The following MYH9 variants were observed in gnomAD, a reference collection of about 807,000 sequenced individuals.
The protein encoded by MYH9 is myosin heavy chain 9, also known as myosin-9.
MYH9 carries 29 observed loss-of-function variants against 241.9 expected under a neutral mutation model. The observed-to-expected ratio is 0.12, with a 90% confidence interval of 0.09 to 0.16. The LOEUF is 0.16. Ranked by LOEUF, MYH9 falls within the 10% of genes least tolerant of loss-of-function variation. The pLI is 1.00. For missense variants in MYH9, 1,803 were observed against 2,595.5 expected, an observed-to-expected ratio of 0.69 and a Z score of 6.63; for synonymous variants, 1,047 against 1,062.6, an observed-to-expected ratio of 0.99 and a Z score of 0.29.
At chr22:36,366,911 T>C (rs2018019523) in intron 1 of MYH9, among the ~76,000 whole-genome samples, 1 of 152,174 alleles carries the variant, frequency 6.6e-6, no homozygotes. Context: ...GCCCCCAGGC[T>C]GCATCCGTTA....
chr22:36,342,701 T>C (rs550709885), intron 2 of MYH9, among the ~76,000 whole-genome samples: 5 of 151,230 alleles, frequency 3.3e-5, no homozygotes, highest in African/African-American at 4.9e-5. Context: ...AGATGTTCAG[T>C]TGGGGAACGC....
chr22:36,329,783 A>C lies in MYH9; in HGVS notation c.491-2295T>G, dbSNP rs991978134. Among the ~76,000 whole-genome samples the C allele has an allele frequency of 6.6e-6, 1 of 152,224 alleles. No homozygotes were observed. Among genetic ancestry groups the C allele is most frequent in the African/African-American group, 2.4e-5 (1 of 41,460 alleles). Reference sequence around the variant, plus strand: ...CATGCACACAGAGGCGCACGCACGCACAAGGGCATGGACACACACATAGAC... The same window carrying C: ...CATGCACACAGAGGCGCACGCACGCCCAAGGGCATGGACACACACATAGAC... On this transcript the variant is annotated intron_variant, in intron 3 of 40. Transcript: ENST00000216181. This position sits in a 1 kb window ranked among gnomAD's most constrained non-coding sequence, Gnocchi z 4.1.
Position 36,293,608 on chromosome 22 carries a change from G to A in MYH9, c.3943-127C>T. 7.0e-7 allele frequency: 1 copy of A among 1,436,308 alleles called. No homozygotes were observed. The highest frequency in any genetic ancestry group is 9.7e-7 in the Non-Finnish European group (1 of 1,033,082). 89.0% of individuals were successfully genotyped at this position (1,436,308 alleles called of 1,614,324 possible). ...TAGGGGATGGCCACGTAAAGACCTG[G>A]AGGGAGCTGGGAGGACGCAGAGACC... On this transcript the variant is annotated intron_variant, in intron 29 of 40. Transcript: ENST00000216181. The surrounding 1 kb of genome is among the most constrained non-coding windows in gnomAD (Gnocchi z 5.1).
chr22:36,359,690 T>C (rs1329124946), intron 1 of MYH9, among the ~76,000 whole-genome samples: 1 of 152,198 alleles, frequency 6.6e-6, no homozygotes. Context: ...CAGTCCGACA[T>C]ACCAGAAAGA....
intron 1 of MYH9, among the ~76,000 whole-genome samples, chr22:36,361,106 TG>T (rs1356272940): frequency 6.6e-6 from 1 of 151,864 alleles, no homozygotes; most frequent in Non-Finnish European, 1.5e-5. Flanking sequence ...TAACAAGGAG[TG>T]GGGGGCTCCT....
chr22:36,371,828 C>T (rs990682313), intron 1 of MYH9, among the ~76,000 whole-genome samples: 1 of 152,122 alleles, frequency 6.6e-6, no homozygotes, highest in African/African-American at 2.4e-5. Flanking sequence ...AGCCACCACA[C>T]CCAGCTGCCT....
In MYH9 at chr22:36,321,826, G is replaced by T. The variant is rs1336793511; in HGVS notation, c.706-5C>A. On this transcript the variant is annotated splice_region_variant and splice_polypyrimidine_tract_variant and intron_variant, in intron 6 of 40. Coordinates refer to ENST00000216181, the MANE Select transcript of MYH9 (RefSeq NM_002473.6). The stretch of plus-strand genomic sequence containing the variant: ...GTTGATGCGAATGAATTTGCCCTAA[G>T]TAAGAAAGGATAGCAAGAGATCAGA... The T allele has an allele frequency of 6.2e-7, 1 of 1,613,658 alleles. No homozygotes were observed. Among genetic ancestry groups the T allele is most frequent in the Non-Finnish European group, 8.5e-7 (1 of 1,179,612 alleles).
In MYH9 at chr22:36,284,475, G is replaced by A. The variant is rs964706010; in HGVS notation, c.5520C>T (p.Thr1840=). The change falls in exon 39 of 41, where the codon ACC becomes ACT. Residue 1840 remains threonine, a synonymous_variant. Transcript: ENST00000216181. ...GCAGCACATCCTTCAGCTTCTTCTCGGTCCGACGCACCTGTTTGCAGGCTG... is the reference window on the plus strand; with the variant it reads ...GCAGCACATCCTTCAGCTTCTTCTCAGTCCGACGCACCTGTTTGCAGGCTG... ...RQAACKQVRR[T]EKKLKDVLLQ... The A allele has an allele frequency of 6.2e-6, 10 of 1,613,298 alleles. No homozygotes were observed. The highest frequency in any genetic ancestry group is 7.6e-6 in the Non-Finnish European group (9 of 1,180,020).
At position 36,293,366 on chromosome 22, in the gene MYH9, T is replaced by A; in HGVS notation, c.4058A>T (p.His1353Leu). 1 of 1,614,062 alleles carries A rather than the reference T, an allele frequency of 6.2e-7. No individual in the cohort carries two copies. The highest frequency in any genetic ancestry group is 1.3e-5 in the African/African-American group (1 of 75,058). ...EQLEEEEEAK[H>L]NLEKQIATLH... is the part of the protein sequence containing the mutation. ...GGTGGCGATCTGCTTCTCCAGGTTG[T>A]GCTTGGCCTCCTCCTCCTCCTCCAG... The change falls in exon 30 of 41, where the codon CAC becomes CTC. Residue 1353 changes from histidine (H) to leucine (L), a missense_variant. This residue lies in a region of MYH9 where 876 missense variants were observed against 1,077.8 expected (regional missense o/e 0.81). Transcript: ENST00000216181. This position sits in a 1 kb window ranked among gnomAD's most constrained non-coding sequence, Gnocchi z 5.1.
rs1052308013 is a variant in MYH9 at position 36,306,820 on chromosome 22, T to C, written c.1844-213A>G. 1.7e-4 allele frequency among the ~76,000 whole-genome samples: 26 copies of C among 152,310 alleles called. 1 individual carries two copies. Among genetic ancestry groups the C allele is most frequent in the African/African-American group, 5.8e-4 (24 of 41,578 alleles). On this transcript the variant is annotated intron_variant, in intron 15 of 40. Coordinates refer to ENST00000216181, the MANE Select transcript of MYH9 (RefSeq NM_002473.6). The surrounding 1 kb of genome is among the most constrained non-coding windows in gnomAD (Gnocchi z 4.1). ...GGGGGATGCAAAGGCACTGGGCTTG[T>C]CTCTTGGGGAGCCATGCATCTGCCA...
At chr22:36,348,058 T>G (rs1459902556) in intron 2 of MYH9, among the ~76,000 whole-genome samples, 1 of 142,438 alleles carries the variant, frequency 7.0e-6, no homozygotes, top group African/African-American at 2.6e-5. Flanking sequence ...TAATAAATAA[T>G]AAATAAATAA....
chr22:36,315,851 C>T (rs977240584), intron 12 of MYH9, among the ~76,000 whole-genome samples: 4 of 142,512 alleles, frequency 2.8e-5, no homozygotes, highest in Admixed American at 2.0e-4. Flanking sequence ...TGAGCCTGGG[C>T]CACACCTGAG....
Position 36,305,007 on chromosome 22 carries a change from G to C in MYH9, c.2229+26C>G, listed in dbSNP as rs776580634. The C allele has an allele frequency of 5.6e-6, 9 of 1,609,546 alleles. No homozygotes were observed. The Admixed American group carries it at 1.5e-4, about 27-fold the overall frequency. On this transcript the variant is annotated intron_variant, in intron 18 of 40. Transcript: ENST00000216181. This position sits in a 1 kb window ranked among gnomAD's most constrained non-coding sequence, Gnocchi z 4.7. Reference sequence around the variant, plus strand: ...CCAGACAAGGGGCTGCCCATCCAGAGAGGCAGGGACAGCAGCTCAACTCAC... The same window carrying C: ...CCAGACAAGGGGCTGCCCATCCAGACAGGCAGGGACAGCAGCTCAACTCAC...
At chr22:36,332,661 T>TTAAAAA (rs2017441067) in intron 3 of MYH9, among the ~76,000 whole-genome samples, 1 of 44,476 alleles carries the variant, frequency 2.2e-5, no homozygotes, top group African/African-American at 9.9e-5. Flanking sequence ...TCTGGATAAT[T>TTAAAAA]AAAAAAAAAA....
chr22:36,295,747 A>C lies in MYH9; in HGVS notation c.3273-30T>G. On this transcript the variant is annotated intron_variant, in intron 25 of 40. Coordinates refer to ENST00000216181, the MANE Select transcript of MYH9 (RefSeq NM_002473.6). The surrounding 1 kb of genome is among the most constrained non-coding windows in gnomAD (Gnocchi z 4.1). The stretch of plus-strand genomic sequence containing the variant: ...CAAAGCGACCAGCAACATCAGTATA[A>C]GGAGAGTTTCACCTCCAAGGAGCAG... 1 of 1,597,666 alleles carries C rather than the reference A, an allele frequency of 6.3e-7. No homozygotes were observed. The highest frequency in any genetic ancestry group is 8.5e-7 in the Non-Finnish European group (1 of 1,170,098).
intron 40 of MYH9, among the ~76,000 whole-genome samples, chr22:36,283,440 G>A (rs1020702896): frequency 2.0e-5 from 3 of 151,888 alleles, no homozygotes; most frequent in Non-Finnish European, 4.4e-5. Context: ...CAGGGGCTGA[G>A]GGAGGAGAAT....
chr22:36,365,489 G>A (rs1380669223), intron 1 of MYH9, among the ~76,000 whole-genome samples: 2 of 151,528 alleles, frequency 1.3e-5, no homozygotes, highest in African/African-American at 4.9e-5. Flanking sequence ...TTTTTTTTGA[G>A]ACAGAGTCTC....
intron 1 of MYH9, among the ~76,000 whole-genome samples, chr22:36,351,133 G>C (rs1332459193): frequency 1.3e-5 from 2 of 152,212 alleles, no homozygotes; most frequent in Non-Finnish European, 1.5e-5. Flanking sequence ...TTTCAGTCAA[G>C]GCCAAGGGGC....
chr22:36,320,074 A>C lies in MYH9; in HGVS notation c.1012+146T>G. On this transcript the variant is annotated intron_variant, in intron 9 of 40. Coordinates refer to ENST00000216181, the MANE Select transcript of MYH9 (RefSeq NM_002473.6). The surrounding 1 kb of genome is among the most constrained non-coding windows in gnomAD (Gnocchi z 4.8). ...ATAACCTTGAACCTCAAATCTGAGG[A>C]ATCATTTTCCCATACACTGAAGGCC... is the stretch of plus-strand genomic sequence containing the variant. 2 of 1,101,838 alleles carry C rather than the reference A, an allele frequency of 1.8e-6. No individual in the cohort carries two copies. Among genetic ancestry groups the C allele is most frequent in the Non-Finnish European group, 2.7e-6 (2 of 754,702 alleles). 68.3% of individuals were successfully genotyped at this position (1,101,838 alleles called of 1,614,324 possible).
Sources: allele counts gnomAD v4.1 joint callset (sites outside exome capture counted in the v4.1 genomes callset), GRCh38; gene constraint gnomAD v4.1.1; regional missense constraint gnomAD v4.1.1; non-coding constraint Gnocchi (gnomAD v3.1); transcripts MANE v1.5; gene names NCBI Gene and HGNC (gene_info 2026-07-23, HGNC 2026-07-21).